Variants in JAKMIP1 observed in about 807,000 individuals in gnomAD.
The protein encoded by JAKMIP1 is janus kinase and microtubule interacting protein 1, also known as janus kinase and microtubule-interacting protein 1.
JAKMIP1 carries 33 observed loss-of-function variants against 113.0 expected under a neutral mutation model. That is an observed-to-expected ratio of 0.29 (90% CI 0.22 to 0.39). JAKMIP1 has a LOEUF of 0.39. Among genes scored for constraint, JAKMIP1 ranks in the 10% least tolerant of loss-of-function variants. JAKMIP1 has a pLI of 1.00. For missense variants in JAKMIP1, 813 were observed against 1,080.5 expected (o/e 0.75, Z 3.47); for synonymous variants, 480 against 459.9 (o/e 1.04, Z -0.56).
intron 1 of JAKMIP1, among the ~76,000 whole-genome samples, chr4:6,174,867 A>T (rs1578469701): frequency 6.7e-6 from 1 of 150,288 alleles, no homozygotes; most frequent in East Asian, 2.0e-4. Flanking sequence ...CCCCTTCCTC[A>T]CCCTCTGCCC....
chr4:6,044,460 A>G lies in JAKMIP1; in HGVS notation c.2029-2233T>C, dbSNP rs138937207. ...CCCCAGTACGGGCTCTGTGCCAGCC[A>G]CGGTGGCAGCACCCAGCACCCTGTG... is the stretch of plus-strand genomic sequence containing the variant. On this transcript the variant is annotated intron_variant, in intron 16 of 20. Coordinates refer to ENST00000409021, the MANE Select transcript of JAKMIP1 (RefSeq NM_001099433.2). The surrounding 1 kb of genome is among the most constrained non-coding windows in gnomAD (Gnocchi z 4.4). Among the ~76,000 whole-genome samples the G allele has an allele frequency of 1.4e-5, 2 of 143,812 alleles. No individual in the cohort carries two copies. The highest frequency in any genetic ancestry group is 3.1e-5 in the Non-Finnish European group (2 of 63,788). The allele number at this position is 143,812 out of a possible 152,430, so 94.3% of individuals were successfully genotyped here.
intron 1 of JAKMIP1, among the ~76,000 whole-genome samples, chr4:6,189,148 T>G (rs1726958855): frequency 6.6e-6 from 1 of 152,166 alleles, no homozygotes. Context: ...AAAACCAGGC[T>G]AATGGAATAA....
intron 3 of JAKMIP1, among the ~76,000 whole-genome samples, chr4:6,087,171 C>T (rs1244018701): frequency 1.3e-5 from 2 of 152,188 alleles, no homozygotes; most frequent in African/African-American, 2.4e-5. Context: ...AATCATAAAC[C>T]TTGATTTCAG....
chr4:6,166,262 A>G (rs1317142371), intron 1 of JAKMIP1, among the ~76,000 whole-genome samples: 1 of 152,232 alleles, frequency 6.6e-6, no homozygotes, highest in East Asian at 1.9e-4. Context: ...TAAATCCAGT[A>G]TCATGTCCAG....
At position 6,031,910 on chromosome 4, in the gene JAKMIP1, T is replaced by C. The variant is rs1022270372; in HGVS notation, c.2380-2129A>G. 6.6e-6 allele frequency among the ~76,000 whole-genome samples: 1 copy of C among 152,180 alleles called. No homozygotes were observed. The highest frequency in any genetic ancestry group is 6.5e-5 in the Admixed American group (1 of 15,284). ...GCAGAGCTTGGCATTGAGCACTCCA[T>C]ATGTTATTTTTTTAAACTGATAATT... On this transcript the variant is annotated intron_variant, in intron 19 of 20. Coordinates refer to ENST00000409021, the MANE Select transcript of JAKMIP1 (RefSeq NM_001099433.2). This position sits in a 1 kb window ranked among gnomAD's most constrained non-coding sequence, Gnocchi z 4.4.
At chr4:6,152,038 A>G (rs1281975095) in intron 1 of JAKMIP1, among the ~76,000 whole-genome samples, 1 of 151,840 alleles carries the variant, frequency 6.6e-6, no homozygotes, top group Non-Finnish European at 1.5e-5. Context: ...TCAGGGTTGG[A>G]AAGGAGAAAG....
chr4:6,032,363 A>AG (rs903846366), intron 19 of JAKMIP1, among the ~76,000 whole-genome samples: 3 of 152,174 alleles, frequency 2.0e-5, no homozygotes, highest in Admixed American at 6.5e-5. Flanking sequence ...AGAGTGTGGG[A>AG]GGCCAGAAAG....
intron 1 of JAKMIP1, among the ~76,000 whole-genome samples, chr4:6,166,075 T>C (rs1029890835): frequency 2.0e-5 from 3 of 152,158 alleles, no homozygotes; most frequent in African/African-American, 7.2e-5. Context: ...CTTAGAAGGA[T>C]CCTGGTCCCA....
In JAKMIP1 at chr4:6,049,316, G is replaced by A. The variant is rs1001581056; in HGVS notation, c.1963-394C>T. Among the ~76,000 whole-genome samples, 26 of 152,170 alleles carry A rather than the reference G, an allele frequency of 1.7e-4. No individual in the cohort carries two copies. The highest frequency in any genetic ancestry group is 2.4e-4 in the African/African-American group (10 of 41,428). On this transcript the variant is annotated intron_variant, in intron 15 of 20. Transcript: ENST00000409021. This position sits in a 1 kb window ranked among gnomAD's most constrained non-coding sequence, Gnocchi z 7.0. ...CTTCCAAAGTGCTGGGATTACAGGC[G>A]TGAGCCACCATGCCCCGCCAACACC... is the stretch of plus-strand genomic sequence containing the variant.
intron 1 of JAKMIP1, among the ~76,000 whole-genome samples, chr4:6,169,602 A>G (rs966960620): frequency 1.8e-4 from 13 of 70,674 alleles, no homozygotes; most frequent in Non-Finnish European, 4.0e-4. Flanking sequence ...GCCCTAGGAA[A>G]TTGTGTGTGT....
At chr4:6,115,488 C>T (rs920004575) in intron 1 of JAKMIP1, among the ~76,000 whole-genome samples, 3 of 152,202 alleles carry the variant, frequency 2.0e-5, no homozygotes, top group Non-Finnish European at 2.9e-5. Flanking sequence ...TCATTATTTT[C>T]ACTCAGTCAC....
At position 6,067,170 on chromosome 4, in the gene JAKMIP1, C is replaced by G. The variant is rs541454634; in HGVS notation, c.1303-2162G>C. Among the ~76,000 whole-genome samples, 214 of 152,320 alleles carry G rather than the reference C, an allele frequency of 1.4e-3. 1 individual carries two copies. The South Asian group carries it at 0.019, about 14-fold the overall frequency. The stretch of plus-strand genomic sequence containing the variant: ...GTGTTTACTGATGGTCTTCCCCCTA[C>G]CCCTTGAAATGGAAGCTCCATGAAG... On this transcript the variant is annotated intron_variant, in intron 8 of 20. Coordinates refer to ENST00000409021, the MANE Select transcript of JAKMIP1 (RefSeq NM_001099433.2). This position sits in a 1 kb window ranked among gnomAD's most constrained non-coding sequence, Gnocchi z 4.6.
In JAKMIP1 at chr4:6,192,351, G is replaced by A. The variant is rs561099415; in HGVS notation, c.-148+7902C>T. On this transcript the variant is annotated intron_variant, in intron 1 of 20. Coordinates refer to ENST00000409021, the MANE Select transcript of JAKMIP1 (RefSeq NM_001099433.2). The surrounding 1 kb of genome is among the most constrained non-coding windows in gnomAD (Gnocchi z 5.0). ...ACAGCTCAGCTCCAGGAGGTCCCCT[G>A]GTGGCCTCAGGACAAGTGTATGAGT... 6.6e-6 allele frequency among the ~76,000 whole-genome samples: 1 copy of A among 152,158 alleles called. No individual in the cohort carries two copies. The highest frequency in any genetic ancestry group is 6.5e-5 in the Admixed American group (1 of 15,276).
rs556889605 is a variant in JAKMIP1 at position 6,139,579 on chromosome 4, A to G, written c.-147-26582T>C. Reference sequence around the variant, plus strand: ...TCAGGAGTTCGAGACCAACCTGGCCAACATAGTGAAACCCCATCTCTACTA... The same window carrying G: ...TCAGGAGTTCGAGACCAACCTGGCCGACATAGTGAAACCCCATCTCTACTA... On this transcript the variant is annotated intron_variant, in intron 1 of 20. Coordinates refer to ENST00000409021, the MANE Select transcript of JAKMIP1 (RefSeq NM_001099433.2). The surrounding 1 kb of genome is among the most constrained non-coding windows in gnomAD (Gnocchi z 5.2). Among the ~76,000 whole-genome samples the G allele has an allele frequency of 1.6e-4, 24 of 152,040 alleles. No homozygotes were observed. Among genetic ancestry groups the G allele is most frequent in the South Asian group, 4.1e-4 (2 of 4,824 alleles).
Position 6,064,859 on chromosome 4 carries a change from C to A in JAKMIP1, c.1431+21G>T. The A allele has an allele frequency of 6.2e-7, 1 of 1,613,658 alleles. No individual in the cohort carries two copies. The highest frequency in any genetic ancestry group is 8.5e-7 in the Non-Finnish European group (1 of 1,179,978). On this transcript the variant is annotated intron_variant, in intron 9 of 20. Coordinates refer to ENST00000409021, the MANE Select transcript of JAKMIP1 (RefSeq NM_001099433.2). This position sits in a 1 kb window ranked among gnomAD's most constrained non-coding sequence, Gnocchi z 4.3. ...GAGAGCATCTGGGGTGAGGTCCCGC[C>A]CTCTCTGCAGGTTTGCTTACATCGT...
At position 6,050,717 on chromosome 4, in the gene JAKMIP1, G is replaced by T. The variant is rs572598181; in HGVS notation, c.1807-38C>A. On this transcript the variant is annotated intron_variant, in intron 13 of 20. Coordinates refer to ENST00000409021, the MANE Select transcript of JAKMIP1 (RefSeq NM_001099433.2). The surrounding 1 kb of genome is among the most constrained non-coding windows in gnomAD (Gnocchi z 7.4). ...TTCGGTTTAAAAACAGAATGTGACC[G>T]GATTATTTACCACTTGCCATTTTCC... The T allele has an allele frequency of 2.7e-6, 4 of 1,474,690 alleles. No homozygotes were observed. The highest frequency in any genetic ancestry group is 2.8e-6 in the Non-Finnish European group (3 of 1,077,792). 91.4% of individuals were successfully genotyped at this position (1,474,690 alleles called of 1,614,324 possible).
intron 8 of JAKMIP1, among the ~76,000 whole-genome samples, chr4:6,066,240 G>GA (rs1311013486): frequency 6.6e-6 from 1 of 152,072 alleles, no homozygotes; most frequent in East Asian, 1.9e-4. Context: ...GTAAATGTGA[G>GA]AAAAATGTGA....
In JAKMIP1 at chr4:6,081,705, C is replaced by G; in HGVS notation, c.1005G>C (p.Lys335Asn). Reference protein sequence around the residue: ...TEVQLKPLVEKNKRMNKKNED... With the variant: ...TEVQLKPLVENNKRMNKKNED... ...CATTCTTCTTGTTCATCCGCTTGTTCTTCTCCACCAGGGGCTTCAGCTGAA... is the reference window on the plus strand; with the variant it reads ...CATTCTTCTTGTTCATCCGCTTGTTGTTCTCCACCAGGGGCTTCAGCTGAA... The change falls in exon 6 of 21, where the codon AAG becomes AAC. Residue 335 changes from lysine to asparagine, a missense_variant. This residue lies in a region of JAKMIP1 where 540 missense variants were observed against 653.9 expected (regional missense o/e 0.83). Coordinates refer to ENST00000409021, the MANE Select transcript of JAKMIP1 (RefSeq NM_001099433.2). This position sits in a 1 kb window ranked among gnomAD's most constrained non-coding sequence, Gnocchi z 4.6. The G allele has an allele frequency of 6.2e-7, 1 of 1,614,172 alleles. No individual in the cohort carries two copies. The highest frequency in any genetic ancestry group is 8.5e-7 in the Non-Finnish European group (1 of 1,180,040).
chr4:6,053,768 A>C, intron 13 of JAKMIP1: 2 of 1,236,594 alleles, frequency 1.6e-6, no homozygotes, highest in Non-Finnish European at 1.0e-6. Flanking sequence ...TGCAAAAACA[A>C]ATTATTTTAT....
Sources: gnomAD v4.1 joint callset for allele counts (sites outside exome capture counted in the v4.1 genomes callset) on GRCh38, gnomAD v4.1.1 for gene constraint, gnomAD v4.1.1 regional missense constraint, Gnocchi (gnomAD v3.1) non-coding constraint, MANE v1.5 for transcripts, NCBI Gene and HGNC (gene_info 2026-07-23, HGNC 2026-07-21) for gene names.